GRHL2: variants seen among roughly 807,000 people sequenced by gnomAD.
GRHL2 encodes grainyhead-like protein 2 homolog.
A neutral mutation model predicts 83.8 loss-of-function variants in GRHL2; 21 were observed. The ratio of observed to expected loss-of-function variants is 0.25; its 90% CI spans 0.18 to 0.36. The LOEUF is 0.36. Ranked by LOEUF, GRHL2 falls within the 10% of genes least tolerant of loss-of-function variation. The pLI is 1.00. For missense variants in GRHL2, 623 were observed against 781.8 expected (o/e 0.80, Z 2.42); for synonymous variants, 280 against 278.9 (o/e 1.00, Z -0.04).
intron 1 of GRHL2, among the ~76,000 whole-genome samples, chr8:101,513,453 GGT>G (rs1810503996): frequency 6.7e-6 from 1 of 148,922 alleles, no homozygotes; most frequent in Non-Finnish European, 1.5e-5. Context: ...CTCTTTCCTG[GGT>G]GTGTGTATGT....
rs1814150208 is a variant in GRHL2, at chr8:101,669,246, A to ATTTTTTCTTTTT, written c.*2549_*2550insCTTTTTTTTTTT. On this transcript the variant is annotated 3_prime_UTR_variant, in exon 16 of 16. Transcript: ENST00000646743. ...AAGATCATGGACATGTGAAATGAGC[A>ATTTTTTCTTTTT]TTTTTTTCTTTTTTTTTTTTAACAA... 2 of 9,712 alleles carry ATTTTTTCTTTTT rather than the reference A, an allele frequency of 2.1e-4. No individual in the cohort carries two copies. The highest frequency in any genetic ancestry group is 8.2e-4 in the African/African-American group (2 of 2,448). 0.6% of individuals were successfully genotyped at this position (9,712 alleles called of 1,614,324 possible). A position where few individuals can be genotyped will look rare whatever the true frequency, so the allele number is the denominator to read the frequency against.
chr8:101,601,031 G>A (rs1484739112), intron 8 of GRHL2, among the ~76,000 whole-genome samples: 1 of 152,056 alleles, frequency 6.6e-6, no homozygotes, highest in East Asian at 1.9e-4. Context: ...AGGGTGGCAT[G>A]CATCTGAAGT....
In GRHL2 at chr8:101,519,056, A is replaced by T. The variant is rs200094708; in HGVS notation, c.21-24185A>T. On this transcript the variant is annotated intron_variant, in intron 1 of 15. Transcript: ENST00000646743. Reference sequence around the variant, plus strand: ...ATACACACATACACAATTTCTGTCCATTTTTGTTAGGTTTTATGGGAGAGT... The same window carrying T: ...ATACACACATACACAATTTCTGTCCTTTTTTGTTAGGTTTTATGGGAGAGT... Among the ~76,000 whole-genome samples the T allele has an allele frequency of 2.9e-4, 5 of 17,510 alleles. No homozygotes were observed. In the Admixed American group the frequency reaches 4.4e-3, roughly 15 times the overall value. The allele number at this position is 17,510 out of a possible 152,430, so 11.5% of individuals were successfully genotyped here.
At chr8:101,511,109 A>G (rs1187976383) in intron 1 of GRHL2, among the ~76,000 whole-genome samples, 1 of 152,188 alleles carries the variant, frequency 6.6e-6, no homozygotes, top group African/African-American at 2.4e-5. Context: ...TCAAAAAAAA[A>G]AAATTTTTTT....
intron 7 of GRHL2, among the ~76,000 whole-genome samples, chr8:101,594,710 G>T (rs1234939901): frequency 6.6e-6 from 1 of 152,172 alleles, no homozygotes; most frequent in Non-Finnish European, 1.5e-5. Flanking sequence ...AGAGAGGAGT[G>T]CATGACATTA....
At chr8:101,593,016 G>A (rs550873039) in intron 7 of GRHL2, among the ~76,000 whole-genome samples, 133 of 151,788 alleles carry the variant, frequency 8.8e-4, no homozygotes, top group African/African-American at 3.0e-3. Context: ...GTGTGATCTC[G>A]GCTCACTGCA....
intron 13 of GRHL2, among the ~76,000 whole-genome samples, chr8:101,648,501 A>G (rs1813558041): frequency 6.6e-6 from 1 of 152,206 alleles, no homozygotes; most frequent in African/African-American, 2.4e-5. Flanking sequence ...AGCGTGCCAC[A>G]TGGCTTTTAT....
rs546354044 is a variant in GRHL2 at position 101,659,342 on chromosome 8, T to C, written c.1699-5112T>C. On this transcript the variant is annotated intron_variant, in intron 14 of 15. Coordinates refer to ENST00000646743, the MANE Select transcript of GRHL2 (RefSeq NM_024915.4). ...CATTCCAGTTTGAGGTTAGTGAAAA[T>C]AAAGATGAATGTTTTCCCCATCCAA... Among the ~76,000 whole-genome samples the C allele has an allele frequency of 6.6e-5, 10 of 152,272 alleles. No individual in the cohort carries two copies. In the East Asian group the frequency reaches 1.5e-3, roughly 23 times the overall value.
intron 7 of GRHL2, among the ~76,000 whole-genome samples, chr8:101,598,056 C>G (rs1812428699): frequency 6.6e-6 from 1 of 152,098 alleles, no homozygotes; most frequent in Admixed American, 6.5e-5. Context: ...GCTATATACA[C>G]AGGCAATTCA....
the GRHL2 span, among the ~76,000 whole-genome samples, chr8:101,680,068 C>T: frequency 2.5e-5 from 3 of 119,054 alleles, 1 homozygote; most frequent in Non-Finnish European, 5.2e-5. Flanking sequence ...CAAATTCACA[C>T]ATAACAATAT....
intron 1 of GRHL2, among the ~76,000 whole-genome samples, chr8:101,519,517 C>T (rs533761460): frequency 1.6e-4 from 24 of 151,742 alleles, no homozygotes; most frequent in Middle Eastern, 6.8e-3. Flanking sequence ...TCCTGCCTCA[C>T]CGCAGAGAAG....
intron 1 of GRHL2, among the ~76,000 whole-genome samples, chr8:101,522,931 A>G (rs376933178): frequency 1.5e-4 from 23 of 149,118 alleles, no homozygotes; most frequent in African/African-American, 5.4e-4. Context: ...TTTTTTTTAG[A>G]TGGAATCTCG....
chr8:101,532,941 G>A (rs1456224071), intron 1 of GRHL2, among the ~76,000 whole-genome samples: 1 of 152,114 alleles, frequency 6.6e-6, no homozygotes, highest in Non-Finnish European at 1.5e-5. Flanking sequence ...CTTAAGGAAA[G>A]GGTAGTGGGT....
In GRHL2 at chr8:101,518,192, C is replaced by T. The variant is rs1810609978; in HGVS notation, c.21-25049C>T. The stretch of plus-strand genomic sequence containing the variant: ...ATCCTCCACCTCCTTGTGACTTTCC[C>T]TATTAGAAAATCATTAATCCAGCCT... On this transcript the variant is annotated intron_variant, in intron 1 of 15. Coordinates refer to ENST00000646743, the MANE Select transcript of GRHL2 (RefSeq NM_024915.4). Among the ~76,000 whole-genome samples, 9 of 152,174 alleles carry T rather than the reference C, an allele frequency of 5.9e-5. No individual in the cohort carries two copies. The South Asian group carries it at 1.9e-3, about 31-fold the overall frequency.
Position 101,654,486 on chromosome 8 carries a change from T to C in GRHL2, c.1698+4987T>C, listed in dbSNP as rs139684932. ...TTGGAGAACCTGCTGTTATTGCCCC[T>C]ACTGAACACCCAACTCCCTATCCTC... On this transcript the variant is annotated intron_variant, in intron 14 of 15. Transcript: ENST00000646743. Among the ~76,000 whole-genome samples, 693 of 152,310 alleles carry C rather than the reference T, an allele frequency of 4.5e-3. 13 individuals carry two copies. The Middle Eastern group carries it at 0.058, about 13-fold the overall frequency.
chr8:101,579,601 C>T lies in GRHL2; in HGVS notation c.1003+2082C>T, dbSNP rs187732744. On this transcript the variant is annotated intron_variant, in intron 7 of 15. Coordinates refer to ENST00000646743, the MANE Select transcript of GRHL2 (RefSeq NM_024915.4). ...ATGAATTTTCTGAGCACAGTCTCTACCCCAATCTCAACCTGACATCTGCTC... is the reference window on the plus strand; with the variant it reads ...ATGAATTTTCTGAGCACAGTCTCTATCCCAATCTCAACCTGACATCTGCTC... 1.0e-3 allele frequency among the ~76,000 whole-genome samples: 157 copies of T among 152,276 alleles called. 2 individuals carry two copies. Among genetic ancestry groups the T allele is most frequent in the African/African-American group, 3.3e-3 (139 of 41,558 alleles).
chr8:101,535,873 C>T (rs1227889990), intron 1 of GRHL2, among the ~76,000 whole-genome samples: 1 of 152,126 alleles, frequency 6.6e-6, no homozygotes, highest in African/African-American at 2.4e-5. Context: ...AGTCAGTCAT[C>T]TTTGCATGAT....
chr8:101,573,293 A>T (rs1412029099), intron 5 of GRHL2, among the ~76,000 whole-genome samples: 7 of 151,542 alleles, frequency 4.6e-5, no homozygotes, highest in Non-Finnish European at 7.4e-5. Context: ...AAAATTATTT[A>T]TTTAGTTGTT....
At chr8:101,606,717 A>G (rs865825301) in intron 8 of GRHL2, among the ~76,000 whole-genome samples, 28 of 152,108 alleles carry the variant, frequency 1.8e-4, no homozygotes, top group African/African-American at 6.5e-4. Context: ...CTGACTTACT[A>G]TTTCTATAGA....
Sources: allele counts gnomAD v4.1 joint callset (sites outside exome capture counted in the v4.1 genomes callset), GRCh38; gene constraint gnomAD v4.1.1; transcripts MANE v1.5; gene names NCBI Gene and HGNC (gene_info 2026-07-23, HGNC 2026-07-21).